ALOX5: variants seen among roughly 807,000 people sequenced by gnomAD.
ALOX5 encodes the protein arachidonate 5-lipoxygenase.
In ALOX5, 64 loss-of-function variants were observed where a neutral mutation model predicts 87.9. The ratio of observed to expected loss-of-function variants is 0.73; its 90% CI spans 0.60 to 0.90. The LOEUF is 0.90. Ranked by LOEUF, ALOX5 falls within the 40% of genes least tolerant of loss-of-function variation. The probability of loss-of-function intolerance (pLI) is 0.00; values close to 1 mark genes in which losing one functional copy is unlikely to be tolerated. For synonymous variants in ALOX5, 388 were observed against 355.1 expected, an observed-to-expected ratio of 1.09 and a Z score of -1.04; for missense variants, 822 against 907.5, an observed-to-expected ratio of 0.91 and a Z score of 1.21.
chr10:45,433,242 CCAAGGTCAGAGCTTCGGCCAGCACCGGAG>C (rs557398814), intron 7 of ALOX5, among the ~76,000 whole-genome samples: 31 of 152,250 alleles, frequency 2.0e-4, no homozygotes, highest in South Asian at 6.2e-4. Flanking sequence ...CCTGGGCAGC[CCAAGGTCAGAGCTTCGGCCAGCACCGGAG>C]CAAGGTCAGA....
chr10:45,414,401 C>T (rs1447256460), intron 4 of ALOX5, among the ~76,000 whole-genome samples: 2 of 152,216 alleles, frequency 1.3e-5, no homozygotes, highest in African/African-American at 4.8e-5. Context: ...AAAGCTGAAG[C>T]TGGATCCCTT....
chr10:45,416,745 A>G (rs970038153), intron 4 of ALOX5, among the ~76,000 whole-genome samples: 5 of 151,964 alleles, frequency 3.3e-5, no homozygotes, highest in Non-Finnish European at 7.4e-5. Context: ...AGGATGGAAG[A>G]AGAGGTGGAT....
intron 3 of ALOX5, 88 bp from the exon 4 acceptor site, chr10:45,412,103 A>G (rs1048704982): frequency 1.9e-6 from 3 of 1,562,960 alleles, no homozygotes; most frequent in Non-Finnish European, 2.6e-6. Flanking sequence ...CCTGTGTAAC[A>G]TCGTCTGACA....
chr10:45,408,444 T>C (rs375407430), intron 3 of ALOX5, among the ~76,000 whole-genome samples: 1 of 152,204 alleles, frequency 6.6e-6, no homozygotes, highest in Non-Finnish European at 1.5e-5. Flanking sequence ...AAAAGAATTA[T>C]TATCTAAAAA....
chr10:45,374,462 G>T (rs199905570), intron 1 of ALOX5, 33 bp downstream of exon 1: 1 of 1,497,154 alleles, frequency 6.7e-7, no homozygotes, highest in Non-Finnish European at 8.9e-7. Context: ...TGGAGCGCGG[G>T]CTGAGGTGCG....
intron 6 of ALOX5, chr10:45,428,334 G>T: frequency 2.0e-6 from 1 of 491,956 alleles, no homozygotes; most frequent in East Asian, 3.2e-5. Flanking sequence ...ACTGACACTC[G>T]GGTCGGTCTC....
intron 3 of ALOX5, 133 bp downstream of exon 3, chr10:45,396,069 G>T: frequency 1.2e-6 from 1 of 801,708 alleles, no homozygotes; most frequent in South Asian, 1.7e-5. Context: ...CCAGCTCCCA[G>T]TGTGGGTGCA....
intron 7 of ALOX5, among the ~76,000 whole-genome samples, chr10:45,429,974 A>G (rs551826830): frequency 1.4e-4 from 22 of 152,224 alleles, no homozygotes; most frequent in Non-Finnish European, 2.8e-4. Flanking sequence ...ATCTGACTCT[A>G]GATTCCAGCC....
chr10:45,400,189 A>G (rs892351244), intron 3 of ALOX5, among the ~76,000 whole-genome samples: 1 of 152,238 alleles, frequency 6.6e-6, no homozygotes, highest in Non-Finnish European at 1.5e-5. Context: ...GTACACACAT[A>G]TTTATAGCAC....
Position 45,440,649 on chromosome 10 carries a change from G to C in ALOX5, c.1185+16G>C. On this transcript the variant is annotated intron_variant, in intron 8 of 13. Coordinates refer to ENST00000374391, the MANE Select transcript of ALOX5 (RefSeq NM_000698.5). ...CATTTTCAAGGTACAGCCAGCTACC[G>C]CCCCACCTGCTATGGGAGGGCATCT... 6.2e-7 allele frequency: 1 copy of C among 1,612,132 alleles called. No individual in the cohort carries two copies. Among genetic ancestry groups the C allele is most frequent in the East Asian group, 2.2e-5 (1 of 44,838 alleles).
chr10:45,408,986 C>T (rs1840971760), intron 3 of ALOX5, among the ~76,000 whole-genome samples: 1 of 152,166 alleles, frequency 6.6e-6, no homozygotes, highest in African/African-American at 2.4e-5. Context: ...ATTTTAAATT[C>T]AGCCTAAAAG....
chr10:45,406,065 C>T (rs578078797), intron 3 of ALOX5, among the ~76,000 whole-genome samples: 1 of 152,258 alleles, frequency 6.6e-6, no homozygotes, highest in African/African-American at 2.4e-5. Context: ...GCTCTGGATT[C>T]GAGTGTCTGG....
chr10:45,386,929 CAG>C (rs1374973612), intron 2 of ALOX5, among the ~76,000 whole-genome samples: 1 of 152,182 alleles, frequency 6.6e-6, no homozygotes, highest in Non-Finnish European at 1.5e-5. Context: ...GAGACGGCAG[CAG>C]GACAGGCTGA....
At position 45,391,587 on chromosome 10, in the gene ALOX5, C is replaced by G. The variant is rs192922652; in HGVS notation, c.350-4268C>G. ...GGATGTAAGGAGCCCCTCTGCCTGG[C>G]TGCCCAGTCTGGAAAGTGAGGAGCG... On this transcript the variant is annotated intron_variant, in intron 2 of 13. Coordinates refer to ENST00000374391, the MANE Select transcript of ALOX5 (RefSeq NM_000698.5). Among the ~76,000 whole-genome samples, 8 of 151,500 alleles carry G rather than the reference C, an allele frequency of 5.3e-5. 1 individual carries two copies. The highest frequency in any genetic ancestry group is 5.2e-4 in the Admixed American group (8 of 15,248).
chr10:45,443,474 C>T lies in ALOX5; in HGVS notation c.1510C>T (p.Pro504Ser), dbSNP rs1458003454. The change falls in exon 11 of 14, where the codon CCG (proline) becomes TCG (serine). Residue 504 changes from proline (P) to serine (S), a missense_variant. By Grantham distance (74) the Pro-to-Ser change is moderately conservative. Transcript: ENST00000374391. ...GGGCGACCAGGTGGTGGAGGAGGACCCGGAGCTGCAGGACTTCGTGAACGA... is the reference window on the plus strand; with the variant it reads ...GGGCGACCAGGTGGTGGAGGAGGACTCGGAGCTGCAGGACTTCGTGAACGA... ...YEGDQVVEED[P>S]ELQDFVNDVY... 2 of 1,613,034 alleles carry T rather than the reference C, an allele frequency of 1.2e-6. No homozygotes were observed. The highest frequency in any genetic ancestry group is 1.1e-5 in the South Asian group (1 of 91,026).
At chr10:45,404,914 C>T (rs1840823764) in intron 3 of ALOX5, among the ~76,000 whole-genome samples, 1 of 152,202 alleles carries the variant, frequency 6.6e-6, no homozygotes, top group African/African-American at 2.4e-5. Context: ...CACTGTTTCC[C>T]TGCATCATCA....
chr10:45,421,553 C>T (rs1841509478), intron 4 of ALOX5, among the ~76,000 whole-genome samples: 1 of 152,352 alleles, frequency 6.6e-6, no homozygotes, highest in Non-Finnish European at 1.5e-5. Context: ...TCCAGCTTGA[C>T]AAGCATTCCT....
chr10:45,402,219 C>T (rs1164493194), intron 3 of ALOX5, among the ~76,000 whole-genome samples: 1 of 152,114 alleles, frequency 6.6e-6, no homozygotes, highest in Non-Finnish European at 1.5e-5. Context: ...CAGCATCCCT[C>T]AACCCTGTAG....
intron 4 of ALOX5, among the ~76,000 whole-genome samples, chr10:45,417,724 A>C (rs991275647): frequency 6.6e-6 from 1 of 152,022 alleles, no homozygotes. Context: ...ATAGGGACGC[A>C]CCCGCCCCTG....
Sources: allele counts gnomAD v4.1 joint callset (sites outside exome capture counted in the v4.1 genomes callset), GRCh38; gene constraint gnomAD v4.1.1; transcripts MANE v1.5; gene names NCBI Gene and HGNC (gene_info 2026-07-23, HGNC 2026-07-21).